SLC6A5: variants seen among roughly 807,000 people sequenced by gnomAD.
SLC6A5 encodes the protein solute carrier family 6 member 5, also known as sodium- and chloride-dependent glycine transporter 2.
In SLC6A5, 58 loss-of-function variants were observed where a neutral mutation model predicts 90.5. The observed-to-expected ratio is 0.64, with a 90% CI of 0.52 to 0.80. SLC6A5 has a LOEUF of 0.80. Among genes scored for constraint, SLC6A5 ranks in the 30% least tolerant of loss-of-function variants. The pLI is 0.00. For missense variants in SLC6A5, 1,015 were observed against 1,017.6 expected, an observed-to-expected ratio of 1.00 and a Z score of 0.03; for synonymous variants, 427 against 401.4, an observed-to-expected ratio of 1.06 and a Z score of -0.76.
chr11:20,625,411 G>C (rs1232060690), intron 7 of SLC6A5, among the ~76,000 whole-genome samples: 1 of 152,102 alleles, frequency 6.6e-6, no homozygotes, highest in Non-Finnish European at 1.5e-5. Context: ...ATAGGAGCCT[G>C]CCACCACACC....
intron 6 of SLC6A5, among the ~76,000 whole-genome samples, chr11:20,616,174 T>G (rs1852780035): frequency 6.6e-6 from 1 of 152,216 alleles, no homozygotes; most frequent in Non-Finnish European, 1.5e-5. Context: ...TCCTGTAGAC[T>G]CAGGGTGTAC....
chr11:20,604,189 C>T, intron 2 of SLC6A5, 97 bp from the exon 3 acceptor site: 2 of 1,465,082 alleles, frequency 1.4e-6, no homozygotes, highest in Middle Eastern at 1.9e-4. Flanking sequence ...TGGGAGCCTG[C>T]TTGCTGGGAA....
At chr11:20,611,378 C>A (rs1852689777) in intron 5 of SLC6A5, among the ~76,000 whole-genome samples, 1 of 152,178 alleles carries the variant, frequency 6.6e-6, no homozygotes, top group Non-Finnish European at 1.5e-5. Context: ...TCACTTGAAC[C>A]CTGGAGGTAG....
intron 1 of SLC6A5, among the ~76,000 whole-genome samples, chr11:20,600,335 GGAAGAAGAAGAAGAAGAA>G (rs55891826): frequency 0.033 from 2,935 of 87,898 alleles, 53 homozygotes; most frequent in Admixed American, 0.048. Flanking sequence ...AAGAAGAAGA[GGAAGAAGAAGAAGAAGAA>G]GAAGAAGAAG....
Position 20,601,571 on chromosome 11 carries a change from T to C in SLC6A5, c.446T>C (p.Val149Ala). 6.2e-7 allele frequency: 1 copy of C among 1,614,128 alleles called. No homozygotes were observed. Reference sequence around the variant, plus strand: ...CTGGAGCGGAACAATACCCCTGTTGTGGGCTGGGTGAACATGAGCCAGAGC... The same window carrying C: ...CTGGAGCGGAACAATACCCCTGTTGCGGGCTGGGTGAACATGAGCCAGAGC... ...GTLERNNTPV[V>A]GWVNMSQSTV... Residue 149 changes from valine (V) to alanine (A), a missense_variant, in exon 2 of 16, where the codon GTG becomes GCG. Around this residue, in one of 3 missense-constraint regions of SLC6A5, gnomAD observed 567 missense variants for 507.3 expected, o/e 1.12. Coordinates refer to ENST00000525748, the MANE Select transcript of SLC6A5 (RefSeq NM_004211.5).
In SLC6A5 at chr11:20,601,251, G is replaced by T. The variant is rs1471209562; in HGVS notation, c.126G>T (p.Ala42=). 8 of 1,583,722 alleles carry T rather than the reference G, an allele frequency of 5.1e-6. No homozygotes were observed. Among genetic ancestry groups the T allele is most frequent in the Non-Finnish European group, 6.8e-6 (8 of 1,172,642 alleles). Residue 42 remains alanine (A), a synonymous_variant, in exon 2 of 16, where the codon GCG becomes GCT. Coordinates refer to ENST00000525748, the MANE Select transcript of SLC6A5 (RefSeq NM_004211.5). ...PRTSPEQELP[A]AAAPPPPRVP... ...CGAGCCCGGAGCAGGAGCTTCCCGC[G>T]GCTGCCGCCCCGCCGCCGCCACGTG... is the stretch of plus-strand genomic sequence containing the variant.
intron 10 of SLC6A5, among the ~76,000 whole-genome samples, chr11:20,631,914 A>G (rs1203983706): frequency 6.6e-6 from 1 of 152,186 alleles, no homozygotes; most frequent in East Asian, 1.9e-4. Flanking sequence ...TTACTGCGCC[A>G]ATTCATGCTG....
chr11:20,635,291 A>C (rs1371266340), intron 10 of SLC6A5, among the ~76,000 whole-genome samples: 1 of 152,172 alleles, frequency 6.6e-6, no homozygotes, highest in African/African-American at 2.4e-5. Flanking sequence ...ACAGAAATTA[A>C]ATAACTTGTC....
chr11:20,649,194 T>C (rs1372712929), intron 14 of SLC6A5, among the ~76,000 whole-genome samples: 1 of 152,228 alleles, frequency 6.6e-6, no homozygotes, highest in Admixed American at 6.5e-5. Context: ...GTGCTTTACT[T>C]AGTTTCTAAT....
chr11:20,629,021 A>T (rs539675805), intron 9 of SLC6A5, among the ~76,000 whole-genome samples: 78 of 152,258 alleles, frequency 5.1e-4, no homozygotes, highest in African/African-American at 1.8e-3. Context: ...CATTGCTGCC[A>T]TTTCAAATCA....
chr11:20,630,600 A>G, intron 9 of SLC6A5, 91 bp from the exon 10 acceptor site: 2 of 1,400,004 alleles, frequency 1.4e-6, no homozygotes, highest in South Asian at 1.2e-5. Context: ...TGTGCAGACA[A>G]ACATGTGGGC....
chr11:20,601,228 A>G lies in SLC6A5; in HGVS notation c.103A>G (p.Ser35Gly), dbSNP rs765635368. The change falls in exon 2 of 16, where the codon AGC becomes GGC. Residue 35 changes from serine (S) to glycine (G), a missense_variant. Transcript: ENST00000525748. ...GGATGGCCCATGCGCTCCCAGGACG[A>G]GCCCGGAGCAGGAGCTTCCCGCGGC... ...HPDGPCAPRT[S>G]PEQELPAAAA... 5.7e-6 allele frequency: 9 copies of G among 1,582,504 alleles called. No individual in the cohort carries two copies. In the Admixed American group the frequency reaches 1.0e-4, roughly 18 times the overall value.
rs772388914 is a variant in SLC6A5, at chr11:20,601,275, T to G, written c.150T>G (p.Arg50=). The change falls in exon 2 of 16, where the codon CGT becomes CGG. Residue 50 remains arginine (R), a synonymous_variant. Coordinates refer to ENST00000525748, the MANE Select transcript of SLC6A5 (RefSeq NM_004211.5). The part of the protein sequence containing the change: ...LPAAAAPPPP[R]VPRSASTGAQ... ...CGGCTGCCGCCCCGCCGCCGCCACGTGTGCCCAGGTCCGCTTCCACCGGCG... is the reference window on the plus strand; with the variant it reads ...CGGCTGCCGCCCCGCCGCCGCCACGGGTGCCCAGGTCCGCTTCCACCGGCG... 642 of 1,587,496 alleles carry G rather than the reference T, an allele frequency of 4.0e-4. No homozygotes were observed. Among genetic ancestry groups the G allele is most frequent in the Non-Finnish European group, 5.2e-4 (605 of 1,173,466 alleles).
chr11:20,602,073 T>C (rs1288926605), intron 2 of SLC6A5, among the ~76,000 whole-genome samples: 1 of 152,100 alleles, frequency 6.6e-6, no homozygotes, highest in Admixed American at 6.6e-5. Flanking sequence ...AGCCACGTGG[T>C]GGTGGCTGGG....
intron 5 of SLC6A5, among the ~76,000 whole-genome samples, chr11:20,612,834 T>C (rs951943262): frequency 6.6e-6 from 1 of 152,250 alleles, no homozygotes; most frequent in Non-Finnish European, 1.5e-5. Context: ...TTTGTTATTG[T>C]TGCTCCTGGT....
chr11:20,641,369 C>T (rs1853310148), intron 13 of SLC6A5, among the ~76,000 whole-genome samples: 1 of 152,144 alleles, frequency 6.6e-6, no homozygotes, highest in South Asian at 2.1e-4. Context: ...CAGATGGCCT[C>T]TCTTCACATT....
At chr11:20,619,279 G>A (rs1167283137) in intron 7 of SLC6A5, among the ~76,000 whole-genome samples, 1 of 152,166 alleles carries the variant, frequency 6.6e-6, no homozygotes, top group African/African-American at 2.4e-5. Flanking sequence ...TCCCCCATTA[G>A]GCACGCAATC....
intron 14 of SLC6A5, among the ~76,000 whole-genome samples, chr11:20,647,597 A>G (rs1360223351): frequency 6.6e-6 from 1 of 151,900 alleles, no homozygotes; most frequent in Non-Finnish European, 1.5e-5. Flanking sequence ...TCCACGTGCT[A>G]ATTTGCTGTA....
At position 20,656,445 on chromosome 11, in the gene SLC6A5, A is replaced by G. The variant is rs1853637868; in HGVS notation, c.*1577A>G. ...CAAAGTTTTTCAGTTCAAATCTTGT[A>G]TATTGTTGTGACATTTTCATCCTGT... On this transcript the variant is annotated 3_prime_UTR_variant, in exon 16 of 16. Coordinates refer to ENST00000525748, the MANE Select transcript of SLC6A5 (RefSeq NM_004211.5). 1 of 152,182 alleles carries G rather than the reference A, an allele frequency of 6.6e-6. No homozygotes were observed. Among genetic ancestry groups the G allele is most frequent in the Admixed American group, 6.5e-5 (1 of 15,282 alleles). 9.4% of individuals were successfully genotyped at this position (152,182 alleles called of 1,614,324 possible).
Sources: allele counts gnomAD v4.1 joint callset (sites outside exome capture counted in the v4.1 genomes callset), GRCh38; gene constraint gnomAD v4.1.1; regional missense constraint gnomAD v4.1.1; transcripts MANE v1.5; gene names NCBI Gene and HGNC (gene_info 2026-07-23, HGNC 2026-07-21).